Variants in NAA16 observed in about 807,000 individuals in gnomAD.
NAA16 encodes N-alpha-acetyltransferase 16, NatA auxiliary subunit, also known as NARG1-like protein.
A neutral mutation model predicts 110.3 loss-of-function variants in NAA16; 97 were observed. The ratio of observed to expected loss-of-function variants is 0.88; its 90% CI spans 0.75 to 1.04. NAA16 has a LOEUF of 1.04. Among genes scored for constraint, NAA16 ranks in the 50% least tolerant of loss-of-function variants. NAA16 has a pLI of 0.00. For missense variants in NAA16, 1,017 were observed against 1,005.1 expected, an observed-to-expected ratio of 1.01 and a Z score of -0.16; for synonymous variants, 372 against 330.6, an observed-to-expected ratio of 1.13 and a Z score of -1.36.
chr13:41,355,672 C>T (rs1028489507), intron 10 of NAA16, among the ~76,000 whole-genome samples: 1 of 152,198 alleles, frequency 6.6e-6, no homozygotes, highest in Non-Finnish European at 1.5e-5. Flanking sequence ...TCGTGATCCA[C>T]CCGCCTCAGC....
intron 9 of NAA16, among the ~76,000 whole-genome samples, chr13:41,339,622 A>G (rs1027548453): frequency 3.3e-5 from 5 of 152,060 alleles, no homozygotes; most frequent in Admixed American, 6.5e-5. Context: ...CAGTGGTGCA[A>G]TCTCGGCTCA....
In NAA16 at chr13:41,369,135, G is replaced by T. The variant is rs1207109481; in HGVS notation, c.1799G>T (p.Arg600Ile). 6.3e-7 allele frequency: 1 copy of T among 1,584,216 alleles called. No homozygotes were observed. Among genetic ancestry groups the T allele is most frequent in the Non-Finnish European group, 8.5e-7 (1 of 1,172,068 alleles). The change falls in exon 15 of 20, where the codon AGA (arginine) becomes ATA (isoleucine). Residue 600 changes from arginine (R) to isoleucine (I), a missense_variant. Physicochemically the swap from Arg to Ile is moderately conservative, Grantham distance 97. Transcript: ENST00000379406. ...TTGAAGAAAATGCTTAGCAAGCAGA[G>T]AAGAGCTCAGAAAAAGGCTAAACTA... ...KELKKMLSKQ[R>I]RAQKKAKLEE... is the part of the protein sequence containing the mutation.
At position 41,311,621 on chromosome 13, in the gene NAA16, C is replaced by T. The variant is rs141528796; in HGVS notation, c.54+39C>T. The stretch of plus-strand genomic sequence containing the variant: ...GGCCGCGCTGCCGCCCCCCGGTCCC[C>T]GGGTCCTCGGGCCTTAAGGGCAAGC... On this transcript the variant is annotated intron_variant, in intron 1 of 19. Coordinates refer to ENST00000379406, the MANE Select transcript of NAA16 (RefSeq NM_024561.5). The T allele has an allele frequency of 1.8e-4, 280 of 1,577,676 alleles. 1 individual carries two copies. In the African/African-American group the frequency reaches 3.3e-3, roughly 18 times the overall value.
intron 9 of NAA16, among the ~76,000 whole-genome samples, chr13:41,348,896 G>A (rs1427469184): frequency 1.3e-5 from 2 of 152,030 alleles, no homozygotes; most frequent in Admixed American, 1.3e-4. Context: ...TTAGATATTT[G>A]TCTATTTCGT....
At chr13:41,321,079 C>T (rs995978975) in intron 4 of NAA16, among the ~76,000 whole-genome samples, 2 of 152,156 alleles carry the variant, frequency 1.3e-5, no homozygotes, top group Non-Finnish European at 2.9e-5. Context: ...ATGGGAGGAT[C>T]GCTTGAGGCT....
chr13:41,357,522 G>A (rs1467194924), intron 10 of NAA16, among the ~76,000 whole-genome samples: 4 of 152,220 alleles, frequency 2.6e-5, no homozygotes, highest in African/African-American at 9.6e-5. Context: ...GTTTTAATGT[G>A]TGCTATAGTA....
chr13:41,375,572 T>C lies in NAA16; in HGVS notation c.2565T>C (p.Ala855=). 6.2e-7 allele frequency: 1 copy of C among 1,613,702 alleles called. No individual in the cohort carries two copies. The change falls in exon 20 of 20, where the codon GCT becomes GCC. Residue 855 remains alanine, a synonymous_variant. Coordinates refer to ENST00000379406, the MANE Select transcript of NAA16 (RefSeq NM_024561.5). ...DNPNVALNHT[A]NYDVLANEI is the part of the protein sequence containing the mutation. ...CTAATGTGGCACTGAACCATACAGC[T>C]AATTATGATGTCTTGGCAAATGAAA... is the stretch of plus-strand genomic sequence containing the variant.
In NAA16 at chr13:41,375,554, G is replaced by A; in HGVS notation, c.2547G>A (p.Val849=). Residue 849 remains valine (V), a synonymous_variant, in exon 20 of 20, where the codon GTG becomes GTA. Coordinates refer to ENST00000379406, the MANE Select transcript of NAA16 (RefSeq NM_024561.5). ...TGAATGAAGTCGACAATCCTAATGT[G>A]GCACTGAACCATACAGCTAATTATG... ...PAVNEVDNPN[V]ALNHTANYDV... 1.9e-6 allele frequency: 3 copies of A among 1,613,998 alleles called. No individual in the cohort carries two copies. The highest frequency in any genetic ancestry group is 1.7e-4 in the Middle Eastern group (1 of 6,058).
intron 5 of NAA16, among the ~76,000 whole-genome samples, chr13:41,323,874 C>CA (rs1220642154): frequency 3.9e-5 from 6 of 152,196 alleles, no homozygotes; most frequent in Non-Finnish European, 7.4e-5. Context: ...TAGAGTTAAT[C>CA]CACCAACCTT....
chr13:41,369,512 C>G lies in NAA16; in HGVS notation c.1947+229C>G, dbSNP rs77620193. On this transcript the variant is annotated intron_variant, in intron 15 of 19. Transcript: ENST00000379406. ...CAGAGTAATGGCCCTGCAAAGGTGTCTGTGTTCTGGTCCCCCCAGCCTGTG... is the reference window on the plus strand; with the variant it reads ...CAGAGTAATGGCCCTGCAAAGGTGTGTGTGTTCTGGTCCCCCCAGCCTGTG... Among the ~76,000 whole-genome samples the G allele has an allele frequency of 6.6e-3, 1,004 of 152,208 alleles. 14 individuals are homozygous for G. Among genetic ancestry groups the G allele is most frequent in the African/African-American group, 0.023 (959 of 41,508 alleles).
Position 41,358,284 on chromosome 13 carries a change from TA to T in NAA16, c.1088-18del, listed in dbSNP as rs771804290. 7 of 1,594,398 alleles carry T rather than the reference TA, an allele frequency of 4.4e-6. No homozygotes were observed. The highest frequency in any genetic ancestry group is 6.0e-6 in the Non-Finnish European group (7 of 1,164,072). Reference sequence around the variant, plus strand: ...GCTTTACATTCTTTCTATAATAATTTAATATTTGTTTGATTGCAGAGAATGG... The same window carrying T: ...GCTTTACATTCTTTCTATAATAATTTATATTTGTTTGATTGCAGAGAATGG... On this transcript the variant is annotated intron_variant, in intron 10 of 19. Coordinates refer to ENST00000379406, the MANE Select transcript of NAA16 (RefSeq NM_024561.5).
intron 9 of NAA16, among the ~76,000 whole-genome samples, chr13:41,345,473 C>T (rs1254330792): frequency 1.3e-5 from 2 of 152,052 alleles, no homozygotes; most frequent in African/African-American, 4.8e-5. Context: ...TGTATATGTT[C>T]TTTGGGGAAA....
chr13:41,356,801 T>C (rs1280356622), intron 10 of NAA16, among the ~76,000 whole-genome samples: 12 of 152,238 alleles, frequency 7.9e-5, no homozygotes, highest in Admixed American at 7.2e-4. Flanking sequence ...TTGATTGCCT[T>C]TCTCATGGTA....
chr13:41,366,617 A>T (rs1372622052), intron 13 of NAA16, among the ~76,000 whole-genome samples: 1 of 152,112 alleles, frequency 6.6e-6, no homozygotes, highest in African/African-American at 2.4e-5. Flanking sequence ...TGAAAATTGG[A>T]TGAAAGCTTT....
chr13:41,345,352 G>A (rs547188604), intron 9 of NAA16, among the ~76,000 whole-genome samples: 4 of 152,252 alleles, frequency 2.6e-5, no homozygotes. Flanking sequence ...ATTAACACTT[G>A]TTATTATTGA....
At chr13:41,320,899 T>G in intron 4 of NAA16, 75 bp downstream of exon 4, 1 of 1,356,740 alleles carries the variant, frequency 7.4e-7, no homozygotes, top group South Asian at 1.5e-5. Context: ...CAGAATGAGG[T>G]GAGCATAAGC....
chr13:41,341,012 T>A (rs1301380831), intron 9 of NAA16, among the ~76,000 whole-genome samples: 3 of 152,194 alleles, frequency 2.0e-5, no homozygotes, highest in Admixed American at 6.5e-5. Context: ...TGCACTGTGG[T>A]CTGAGAGACA....
intron 4 of NAA16, among the ~76,000 whole-genome samples, chr13:41,321,275 C>T (rs762816593): frequency 6.6e-6 from 1 of 152,068 alleles, no homozygotes; most frequent in Non-Finnish European, 1.5e-5. Context: ...CCAGCCTGGG[C>T]AAGAGAGCAA....
At chr13:41,352,413 G>T (rs1384432820) in intron 9 of NAA16, among the ~76,000 whole-genome samples, 1 of 151,950 alleles carries the variant, frequency 6.6e-6, no homozygotes, top group African/African-American at 2.4e-5. Flanking sequence ...TCAGCACTTT[G>T]GGAGGCCTAG....
Sources: allele counts gnomAD v4.1 joint callset (sites outside exome capture counted in the v4.1 genomes callset), GRCh38; gene constraint gnomAD v4.1.1; transcripts MANE v1.5; gene names NCBI Gene and HGNC (gene_info 2026-07-23, HGNC 2026-07-21).